ROBO2: variants seen among roughly 807,000 people sequenced by gnomAD.
The protein encoded by ROBO2 is roundabout guidance receptor 2.
In ROBO2, 53 loss-of-function variants were observed where a neutral mutation model predicts 160.8. That is an observed-to-expected ratio of 0.33 (90% CI 0.26 to 0.41). The LOEUF is 0.41. ROBO2 is among the 10% of genes least tolerant of loss of function. The probability of loss-of-function intolerance (pLI) is 1.00; values close to 1 mark genes in which losing one functional copy is unlikely to be tolerated. For missense variants in ROBO2, 1,577 were observed against 1,722.4 expected (o/e 0.92, Z 1.49); for synonymous variants, 664 against 611.7 (o/e 1.09, Z -1.26).
chr3:77,250,930 A>C (rs2153298244), intron 2 of ROBO2, among the ~76,000 whole-genome samples: 1 of 152,284 alleles, frequency 6.6e-6, no homozygotes, highest in South Asian at 2.1e-4. Context: ...ACAGTGTTGT[A>C]GTGGAGATTA....
Position 77,276,755 on chromosome 3 carries a change from A to G in ROBO2, c.388+178415A>G, listed in dbSNP as rs541437102. 4.9e-4 allele frequency among the ~76,000 whole-genome samples: 74 copies of G among 152,258 alleles called. 1 individual carries two copies. Among genetic ancestry groups the G allele is most frequent in the African/African-American group, 1.8e-3 (74 of 41,550 alleles). ...AAACATACCCAAGATTGGGTAATGTATAAAGGAAAGAGGTTTAATGGACCC... is the reference window on the plus strand; with the variant it reads ...AAACATACCCAAGATTGGGTAATGTGTAAAGGAAAGAGGTTTAATGGACCC... On this transcript the variant is annotated intron_variant, in intron 2 of 25. Coordinates refer to ENST00000461745, the Ensembl canonical transcript of ROBO2.
At chr3:77,489,086 T>G (rs899249197) in intron 4 of ROBO2, among the ~76,000 whole-genome samples, 4 of 152,144 alleles carry the variant, frequency 2.6e-5, no homozygotes, top group African/African-American at 9.7e-5. Context: ...GCTATGGAAA[T>G]TCTCAGAATA....
At position 77,154,040 on chromosome 3, in the gene ROBO2, C is replaced by T. The variant is rs1377527031; in HGVS notation, c.388+55700C>T. On this transcript the variant is annotated intron_variant, in intron 2 of 25. Transcript: ENST00000461745. Reference sequence around the variant, plus strand: ...GCAGGATGGAACAAGCTTACTTCATCTGCTACTTCACAGCCCTTCAGATAT... The same window carrying T: ...GCAGGATGGAACAAGCTTACTTCATTTGCTACTTCACAGCCCTTCAGATAT... Among the ~76,000 whole-genome samples, 3 of 152,068 alleles carry T rather than the reference C, an allele frequency of 2.0e-5. No individual in the cohort carries two copies. In the East Asian group the frequency reaches 5.8e-4, roughly 29 times the overall value.
At chr3:77,376,164 T>A (rs2072628190) in intron 2 of ROBO2, among the ~76,000 whole-genome samples, 1 of 147,240 alleles carries the variant, frequency 6.8e-6, no homozygotes. Flanking sequence ...CTTTTTTTTT[T>A]TTTTTTTTTT....
At chr3:76,184,544 GAT>G (rs1701652224) in intron 2 of ROBO2, among the ~76,000 whole-genome samples, 2 of 16,504 alleles carry the variant, frequency 1.2e-4, no homozygotes, top group South Asian at 2.2e-3. Flanking sequence ...ACAAATAGGA[GAT>G]AGATAGATAG....
chr3:76,533,345 A>G (rs2082326672), intron 2 of ROBO2, among the ~76,000 whole-genome samples: 1 of 152,160 alleles, frequency 6.6e-6, no homozygotes, highest in Non-Finnish European at 1.5e-5. Context: ...TGCCATTTGG[A>G]ATAATAGGAG....
At chr3:76,176,155 A>G (rs2073222760) in intron 2 of ROBO2, among the ~76,000 whole-genome samples, 1 of 151,782 alleles carries the variant, frequency 6.6e-6, no homozygotes, top group African/African-American at 2.4e-5. Flanking sequence ...TTTTTCCCAG[A>G]TTAGTAAAAT....
intron 6 of ROBO2, among the ~76,000 whole-genome samples, chr3:77,544,794 T>A (rs888827712): frequency 6.6e-6 from 1 of 152,128 alleles, no homozygotes; most frequent in African/African-American, 2.4e-5. Flanking sequence ...CTCAGTTTTC[T>A]AGCCTAAGAA....
chr3:76,589,952 C>A (rs2108813745), intron 2 of ROBO2, among the ~76,000 whole-genome samples: 1 of 152,270 alleles, frequency 6.6e-6, no homozygotes, highest in East Asian at 1.9e-4. Flanking sequence ...CACCTTTAGG[C>A]AGACAGCAGG....
chr3:76,649,097 G>C (rs542970627), intron 2 of ROBO2, among the ~76,000 whole-genome samples: 47 of 152,042 alleles, frequency 3.1e-4, no homozygotes, highest in Non-Finnish European at 5.6e-4. Context: ...TGAATGATTA[G>C]TATTCTCAGA....
At chr3:76,213,948 T>C (rs186451022) in intron 2 of ROBO2, among the ~76,000 whole-genome samples, 9 of 152,212 alleles carry the variant, frequency 5.9e-5, no homozygotes, top group Non-Finnish European at 8.8e-5. Context: ...GATATAGATA[T>C]ACATAAGAGG....
intron 2 of ROBO2, among the ~76,000 whole-genome samples, chr3:77,437,582 C>T (rs2079428850): frequency 6.6e-6 from 1 of 151,782 alleles, no homozygotes; most frequent in Admixed American, 6.6e-5. Flanking sequence ...TATTAAAAAA[C>T]ATTTGCATAG....
intron 2 of ROBO2, among the ~76,000 whole-genome samples, chr3:76,717,692 A>C (rs1650175226): frequency 6.6e-6 from 1 of 152,128 alleles, no homozygotes; most frequent in Admixed American, 6.5e-5. Flanking sequence ...TATTCTTCTG[A>C]AATCTGTGAA....
intron 2 of ROBO2, among the ~76,000 whole-genome samples, chr3:77,127,041 G>A (rs1277418276): frequency 1.3e-5 from 2 of 150,558 alleles, no homozygotes; most frequent in African/African-American, 2.5e-5. Context: ...CGCCCGCCTT[G>A]GCCTCCCAAA....
At chr3:75,932,024 C>T (rs915780377) in intron 1 of ROBO2, among the ~76,000 whole-genome samples, 2 of 152,000 alleles carry the variant, frequency 1.3e-5, no homozygotes, top group Admixed American at 6.5e-5. Flanking sequence ...GGTTTCTCAA[C>T]GTATATTAAT....
At chr3:76,153,701 T>C (rs2072293632) in intron 2 of ROBO2, among the ~76,000 whole-genome samples, 1 of 152,154 alleles carries the variant, frequency 6.6e-6, no homozygotes, top group African/African-American at 2.4e-5. Context: ...GTGGATTAGT[T>C]TGTCCGTCTT....
chr3:77,430,032 C>T lies in ROBO2; in HGVS notation c.389-47382C>T, dbSNP rs561649112. Among the ~76,000 whole-genome samples, 18 of 152,170 alleles carry T rather than the reference C, an allele frequency of 1.2e-4. No homozygotes were observed. The South Asian group carries it at 3.7e-3, about 32-fold the overall frequency. Reference sequence around the variant, plus strand: ...TCGATATGTTTCATATAATCCTATCCCTAGAAACATGGCACAGGCACTGAA... The same window carrying T: ...TCGATATGTTTCATATAATCCTATCTCTAGAAACATGGCACAGGCACTGAA... On this transcript the variant is annotated intron_variant, in intron 2 of 25. Transcript: ENST00000461745.
chr3:77,349,383 A>C (rs1246580706), intron 2 of ROBO2, among the ~76,000 whole-genome samples: 1 of 152,106 alleles, frequency 6.6e-6, no homozygotes, highest in African/African-American at 2.4e-5. Flanking sequence ...TTCCACTACA[A>C]TAGGTGCTAA....
chr3:76,434,110 T>C (rs2076559767), intron 2 of ROBO2: 2 of 1,254,212 alleles, frequency 1.6e-6, no homozygotes, highest in Admixed American at 1.7e-5. Context: ...ACCGTGGGTA[T>C]GGAGACAGCT....
Sources: gnomAD v4.1 joint callset for allele counts (sites outside exome capture counted in the v4.1 genomes callset) on GRCh38, gnomAD v4.1.1 for gene constraint, MANE v1.5 for transcripts, NCBI Gene and HGNC (gene_info 2026-07-23, HGNC 2026-07-21) for gene names.